Variants in HABP2 observed in about 807,000 individuals in gnomAD.
The protein encoded by HABP2 is factor VII-activating protease.
In HABP2, 65 loss-of-function variants were observed where a neutral mutation model predicts 66.5. The ratio of observed to expected loss-of-function variants is 0.98; its 90% CI spans 0.80 to 1.20. The LOEUF (loss-of-function observed/expected upper bound fraction) is 1.20. Among genes scored for constraint, HABP2 ranks in the 50% most tolerant of loss-of-function variants. The pLI is 0.00. For missense variants in HABP2, 786 were observed against 691.0 expected (o/e 1.14, Z -1.54); for synonymous variants, 263 against 253.9 (o/e 1.04, Z -0.34).
chr10:113,583,466 C>G, intron 10 of HABP2, 108 bp downstream of exon 10: 1 of 884,754 alleles, frequency 1.1e-6, no homozygotes, highest in Non-Finnish European at 1.8e-6. Context: ...TGTTTTTGGT[C>G]CCTGTGGACC....
rs761125845 is a variant in HABP2 at position 113,567,538 on chromosome 10, A to T, written c.106+13A>T. 4.4e-6 allele frequency: 7 copies of T among 1,600,464 alleles called. No homozygotes were observed. Among genetic ancestry groups the T allele is most frequent in the Non-Finnish European group, 5.1e-6 (6 of 1,167,712 alleles). On this transcript the variant is annotated intron_variant, in intron 2 of 12. Coordinates refer to ENST00000351270, the MANE Select transcript of HABP2 (RefSeq NM_004132.5). The stretch of plus-strand genomic sequence containing the variant: ...AGCCTGGACCCAGGTAAGTGTGCTG[A>T]TCTCCCTGGGGCTTCCCACCAATCC...
At chr10:113,551,972 G>A (rs1324797079), upstream of HABP2, among the ~76,000 whole-genome samples, 1 of 152,092 alleles carries the variant, frequency 6.6e-6, no homozygotes. Flanking sequence ...AAATAATGTG[G>A]AAGTCATTTA....
In HABP2 at chr10:113,575,947, G is replaced by T; in HGVS notation, c.274G>T (p.Gly92Trp). 1 of 1,612,924 alleles carries T rather than the reference G, an allele frequency of 6.2e-7. No individual in the cohort carries two copies. The highest frequency in any genetic ancestry group is 8.5e-7 in the Non-Finnish European group (1 of 1,178,902). ...CEHGGDCLVH[G>W]STFTCSCLAP... ...ACACGGTGGGGACTGCCTCGTCCAT[G>T]GGAGCACCTTCACATGCAGCTGCCT... The change falls in exon 4 of 13, where the codon GGG (glycine) becomes TGG (tryptophan). Residue 92 changes from glycine to tryptophan, a missense_variant. Gly to Trp is a radical substitution (Grantham distance 184, BLOSUM62 -2). Transcript: ENST00000351270.
intron 3 of HABP2, among the ~76,000 whole-genome samples, 169 bp downstream of exon 3, chr10:113,574,574 G>T (rs1197960884): frequency 2.6e-5 from 4 of 152,134 alleles, no homozygotes; most frequent in Non-Finnish European, 4.4e-5. Context: ...CATATGCTAT[G>T]AGGACTGGGG....
chr10:113,576,559 A>T (rs1301934392), intron 4 of HABP2, among the ~76,000 whole-genome samples: 2 of 152,204 alleles, frequency 1.3e-5, no homozygotes, highest in Admixed American at 6.5e-5. Flanking sequence ...GGAATAAAGC[A>T]TCAGGAATAG....
intron 11 of HABP2, 58 bp from the exon 12 acceptor site, chr10:113,585,735 G>C (rs1240470013): frequency 7.3e-7 from 1 of 1,361,044 alleles, no homozygotes; most frequent in East Asian, 2.3e-5. Flanking sequence ...TTTCTGGTGG[G>C]GTTGGTGCCA....
intron 1 of HABP2, among the ~76,000 whole-genome samples, chr10:113,561,851 G>T (rs138959297): frequency 1.1e-3 from 169 of 152,244 alleles, no homozygotes; most frequent in African/African-American, 3.9e-3. Context: ...ATAATCACTG[G>T]ATTAAATATA....
chr10:113,575,077 G>A (rs1169069093), intron 3 of HABP2, among the ~76,000 whole-genome samples: 1 of 152,120 alleles, frequency 6.6e-6, no homozygotes, highest in East Asian at 1.9e-4. Context: ...ACTAAACCAG[G>A]AGAAGGAATG....
chr10:113,563,747 T>C (rs549071738), intron 1 of HABP2, among the ~76,000 whole-genome samples: 29 of 152,198 alleles, frequency 1.9e-4, no homozygotes, highest in Non-Finnish European at 3.7e-4. Context: ...CCTTCCTTGC[T>C]GGACCCCGAG....
intron 8 of HABP2, among the ~76,000 whole-genome samples, chr10:113,581,013 G>A (rs1845518892): frequency 6.6e-6 from 1 of 152,208 alleles, no homozygotes; most frequent in Non-Finnish European, 1.5e-5. Flanking sequence ...GTGCAATGGT[G>A]ATCAAACTGG....
At chr10:113,580,731 G>T (rs1399718263) in intron 8 of HABP2, 39 bp downstream of exon 8, 9 of 1,069,268 alleles carry the variant, frequency 8.4e-6, no homozygotes, top group Non-Finnish European at 1.2e-5. Context: ...GGGGGTGGGG[G>T]GGATGGAGAT....
intron 3 of HABP2, among the ~76,000 whole-genome samples, chr10:113,574,697 G>C (rs1265210087): frequency 6.6e-6 from 1 of 152,160 alleles, no homozygotes; most frequent in Non-Finnish European, 1.5e-5. Flanking sequence ...CATTGTCCAG[G>C]TTTCCTGATG....
At chr10:113,587,852 C>T (rs2133791456) in intron 12 of HABP2, among the ~76,000 whole-genome samples, 1 of 152,188 alleles carries the variant, frequency 6.6e-6, no homozygotes, top group East Asian at 1.9e-4. Flanking sequence ...CCATGCTGAG[C>T]ACCTAGGCCA....
At chr10:113,576,209 C>T (rs1845406537) in intron 4 of HABP2, among the ~76,000 whole-genome samples, 1 of 152,222 alleles carries the variant, frequency 6.6e-6, no homozygotes, top group East Asian at 1.9e-4. Flanking sequence ...TACATCCATT[C>T]TCCAGATGGG....
chr10:113,559,451 A>C (rs918301203), intron 1 of HABP2, among the ~76,000 whole-genome samples: 10 of 152,280 alleles, frequency 6.6e-5, no homozygotes, highest in Admixed American at 2.6e-4. Context: ...AGGCACAGAG[A>C]GACTCAACAA....
chr10:113,567,365 C>G (rs1337217986), intron 1 of HABP2, 124 bp from the exon 2 acceptor site: 2 of 748,034 alleles, frequency 2.7e-6, no homozygotes, highest in Non-Finnish European at 4.8e-6. Context: ...CTAGCCCAGC[C>G]ACAACCATCA....
At chr10:113,581,797 A>G in intron 8 of HABP2, 79 bp from the exon 9 acceptor site, 1 of 1,455,908 alleles carries the variant, frequency 6.9e-7, no homozygotes. Context: ...TTGGGCTCAG[A>G]GTCATACCTC....
chr10:113,556,583 T>C (rs2133739579), intron 1 of HABP2, among the ~76,000 whole-genome samples: 1 of 152,106 alleles, frequency 6.6e-6, no homozygotes, highest in East Asian at 1.9e-4. Context: ...GGTGTGGTGG[T>C]ACATGTCTGT....
intron 1 of HABP2, among the ~76,000 whole-genome samples, chr10:113,564,870 G>C (rs1025754856): frequency 6.8e-6 from 1 of 147,274 alleles, no homozygotes; most frequent in African/African-American, 2.6e-5. Context: ...TTTCTTAGAT[G>C]GAGTCTCGCT....
Sources: allele counts gnomAD v4.1 joint callset (sites outside exome capture counted in the v4.1 genomes callset), GRCh38; gene constraint gnomAD v4.1.1; transcripts MANE v1.5; gene names NCBI Gene and HGNC (gene_info 2026-07-23, HGNC 2026-07-21).